The following SLC30A9 variants were observed in gnomAD, a reference collection of about 807,000 sequenced individuals.
SLC30A9 encodes the protein proton-coupled zinc antiporter SLC30A9, mitochondrial.
SLC30A9 carries 58 observed loss-of-function variants against 87.5 expected under a neutral mutation model. The ratio of observed to expected loss-of-function variants is 0.66; its 90% CI spans 0.54 to 0.82. The LOEUF (loss-of-function observed/expected upper bound fraction) is 0.82. Among genes scored for constraint, SLC30A9 ranks in the 40% least tolerant of loss-of-function variants. The pLI is 0.00. For synonymous variants in SLC30A9, 234 were observed against 233.0 expected (o/e 1.00, Z -0.04); for missense variants, 557 against 679.1 (o/e 0.82, Z 2.00).
Position 42,086,945 on chromosome 4 carries a change from T to A in SLC30A9, c.*819T>A, listed in dbSNP as rs1346914943. On this transcript the variant is annotated 3_prime_UTR_variant, in exon 18 of 18. Coordinates refer to ENST00000264451, the MANE Select transcript of SLC30A9 (RefSeq NM_006345.4). ...TGTTTATTTACTGGAAGATAATGCA[T>A]TTATAAGCATTTTAAAATTCTGTAA... is the stretch of plus-strand genomic sequence containing the variant. 2 of 152,214 alleles carry A rather than the reference T, an allele frequency of 1.3e-5. No individual in the cohort carries two copies. The highest frequency in any genetic ancestry group is 4.8e-5 in the African/African-American group (2 of 41,462). 9.4% of individuals were successfully genotyped at this position (152,214 alleles called of 1,614,324 possible).
chr4:42,018,043 T>A, intron 2 of SLC30A9, 68 bp from the exon 3 acceptor site: 1 of 847,970 alleles, frequency 1.2e-6, no homozygotes. Flanking sequence ...CATTGGCTAA[T>A]ATTAATTAAG....
chr4:42,076,623 A>G (rs887993786), intron 16 of SLC30A9, among the ~76,000 whole-genome samples: 3 of 152,080 alleles, frequency 2.0e-5, no homozygotes, highest in Admixed American at 2.0e-4. Flanking sequence ...ATATGCTGTA[A>G]TTTATTTATT....
At chr4:42,033,857 G>A (rs972812220) in intron 6 of SLC30A9, among the ~76,000 whole-genome samples, 5 of 152,310 alleles carry the variant, frequency 3.3e-5, no homozygotes, top group South Asian at 2.1e-4. Flanking sequence ...TTACAGGCAT[G>A]AGCCACCGTG....
At chr4:42,081,076 A>T (rs1436626261) in intron 17 of SLC30A9, among the ~76,000 whole-genome samples, 2 of 152,124 alleles carry the variant, frequency 1.3e-5, no homozygotes, top group Non-Finnish European at 2.9e-5. Flanking sequence ...TTTTTAGGAG[A>T]TGCCTGCCAA....
intron 2 of SLC30A9, among the ~76,000 whole-genome samples, chr4:42,006,802 C>T (rs978625733): frequency 6.6e-6 from 1 of 151,828 alleles, no homozygotes; most frequent in African/African-American, 2.4e-5. Context: ...GTTGAAAGTA[C>T]AAGAGACGGT....
chr4:42,085,944 A>T, intron 17 of SLC30A9, 138 bp from the exon 18 acceptor site: 2 of 276,068 alleles, frequency 7.2e-6, no homozygotes, highest in South Asian at 8.8e-5. Flanking sequence ...TTTTTTTCTT[A>T]TGCAACTATT....
intron 3 of SLC30A9, among the ~76,000 whole-genome samples, chr4:42,020,087 T>C (rs1197981036): frequency 6.6e-6 from 1 of 152,152 alleles, no homozygotes; most frequent in African/African-American, 2.4e-5. Context: ...TATCAAAACT[T>C]CAGTTCATTT....
At chr4:42,003,256 C>G (rs1715062052) in intron 2 of SLC30A9, among the ~76,000 whole-genome samples, 2 of 152,060 alleles carry the variant, frequency 1.3e-5, no homozygotes, top group Non-Finnish European at 1.5e-5. Flanking sequence ...GTCAGTTTTT[C>G]TAAATGGTTT....
Position 42,087,252 on chromosome 4 carries a change from CA to C in SLC30A9, c.*1127del, listed in dbSNP as rs1169733228. On this transcript the variant is annotated 3_prime_UTR_variant, in exon 18 of 18. Coordinates refer to ENST00000264451, the MANE Select transcript of SLC30A9 (RefSeq NM_006345.4). ...CTAAGTTATCAAGGTGGAAAAAAAACATGCAATTCAGTAATTGAAAATGTGG... is the reference window on the plus strand; with the variant it reads ...CTAAGTTATCAAGGTGGAAAAAAAACTGCAATTCAGTAATTGAAAATGTGG... 1.3e-5 allele frequency: 2 copies of C among 152,066 alleles called. No individual in the cohort carries two copies. The highest frequency in any genetic ancestry group is 1.3e-4 in the Admixed American group (2 of 15,274). The allele number at this position is 152,066 out of a possible 1,614,324, so 9.4% of individuals were successfully genotyped here.
Position 42,087,762 on chromosome 4 carries a change from T to C in SLC30A9, c.*1636T>C, listed in dbSNP as rs1718975063. 1 of 151,802 alleles carries C rather than the reference T, an allele frequency of 6.6e-6. No homozygotes were observed. The highest frequency in any genetic ancestry group is 1.9e-4 in the East Asian group (1 of 5,202). 9.4% of individuals were successfully genotyped at this position (151,802 alleles called of 1,614,324 possible). A position where few individuals can be genotyped will look rare whatever the true frequency, so the allele number is the denominator to read the frequency against. On this transcript the variant is annotated 3_prime_UTR_variant, in exon 18 of 18. Transcript: ENST00000264451. Reference sequence around the variant, plus strand: ...ATCCCTTCTTTACAAAAAAAACTTTTTTTTTACCTGTTATGATTTATTCTA... The same window carrying C: ...ATCCCTTCTTTACAAAAAAAACTTTCTTTTTACCTGTTATGATTTATTCTA...
In SLC30A9 at chr4:42,014,794, A is replaced by G. The variant is rs546019733; in HGVS notation, c.275-3317A>G. Among the ~76,000 whole-genome samples the G allele has an allele frequency of 3.9e-5, 6 of 152,328 alleles. No homozygotes were observed. In the South Asian group the frequency reaches 1.2e-3, roughly 32 times the overall value. ...TGGAGGTTGTTACGTTAAGTGAAATAAGGCAGGCACAGAAAGAAAAACAGC... is the reference window on the plus strand; with the variant it reads ...TGGAGGTTGTTACGTTAAGTGAAATGAGGCAGGCACAGAAAGAAAAACAGC... On this transcript the variant is annotated intron_variant, in intron 2 of 17. Coordinates refer to ENST00000264451, the MANE Select transcript of SLC30A9 (RefSeq NM_006345.4).
At chr4:42,075,580 C>G in intron 15 of SLC30A9, 77 bp from the exon 16 acceptor site, 1 of 1,342,634 alleles carries the variant, frequency 7.4e-7, no homozygotes. Context: ...AACAATAATT[C>G]AAGCCTTTGT....
intron 17 of SLC30A9, among the ~76,000 whole-genome samples, chr4:42,081,875 G>T (rs1014403987): frequency 6.6e-6 from 1 of 152,118 alleles, no homozygotes; most frequent in African/African-American, 2.4e-5. Context: ...AAACCAGGAA[G>T]GTAAGTATAA....
intron 6 of SLC30A9, 43 bp downstream of exon 6, chr4:42,023,427 T>C: frequency 7.8e-7 from 1 of 1,274,096 alleles, no homozygotes; most frequent in Non-Finnish European, 1.1e-6. Context: ...GAAAAATAAC[T>C]TGTAGATGAG....
intron 6 of SLC30A9, among the ~76,000 whole-genome samples, chr4:42,034,006 C>T (rs972740170): frequency 2.7e-5 from 4 of 149,766 alleles, no homozygotes; most frequent in Non-Finnish European, 4.5e-5. Flanking sequence ...CCCCATAGGA[C>T]GTTTCTAGTG....
chr4:42,070,255 T>C (rs530811386), intron 14 of SLC30A9: 17 of 296,134 alleles, frequency 5.7e-5, no homozygotes, highest in African/African-American at 3.6e-4. Flanking sequence ...GTGTCTCTAA[T>C]CTAAATGTGC....
At chr4:42,036,614 C>G (rs1265911487) in intron 7 of SLC30A9, among the ~76,000 whole-genome samples, 1 of 152,238 alleles carries the variant, frequency 6.6e-6, no homozygotes, top group Non-Finnish European at 1.5e-5. Flanking sequence ...TTTCTTCTCT[C>G]TGGTGGCATT....
At chr4:42,006,157 AG>A (rs1715192841) in intron 2 of SLC30A9, among the ~76,000 whole-genome samples, 1 of 152,238 alleles carries the variant, frequency 6.6e-6, no homozygotes, top group Non-Finnish European at 1.5e-5. Flanking sequence ...GGATGTGCAT[AG>A]GTTATATGCA....
intron 6 of SLC30A9, among the ~76,000 whole-genome samples, chr4:42,031,857 G>C (rs1200498702): frequency 6.6e-6 from 1 of 151,856 alleles, no homozygotes; most frequent in Non-Finnish European, 1.5e-5. Flanking sequence ...TTACCTCTTG[G>C]CCTCCAAAGC....
Sources: allele counts gnomAD v4.1 joint callset (sites outside exome capture counted in the v4.1 genomes callset), GRCh38; gene constraint gnomAD v4.1.1; transcripts MANE v1.5; gene names NCBI Gene and HGNC (gene_info 2026-07-23, HGNC 2026-07-21).